STK32B: variants seen among roughly 807,000 people sequenced by gnomAD.
STK32B encodes serine/threonine kinase 32B.
STK32B carries 43 observed loss-of-function variants against 52.6 expected under a neutral mutation model. The observed-to-expected ratio is 0.82, with a 90% CI of 0.64 to 1.05. The LOEUF (loss-of-function observed/expected upper bound fraction) is 1.05, where lower values mean the gene tolerates loss of function less well. STK32B is among the 50% of genes least tolerant of loss of function. The probability of loss-of-function intolerance (pLI) is 0.00; values close to 1 mark genes in which losing one functional copy is unlikely to be tolerated. For synonymous variants in STK32B, 238 were observed against 204.3 expected, an observed-to-expected ratio of 1.17 and a Z score of -1.41; for missense variants, 621 against 534.6, an observed-to-expected ratio of 1.16 and a Z score of -1.59.
chr4:5,135,685 T>C (rs1329191470), intron 1 of STK32B, among the ~76,000 whole-genome samples: 1 of 152,224 alleles, frequency 6.6e-6, no homozygotes, highest in Non-Finnish European at 1.5e-5. Flanking sequence ...CTCATGTTTT[T>C]GGCTTTATAG....
At chr4:5,148,108 C>T (rs751727374) in intron 2 of STK32B, among the ~76,000 whole-genome samples, 26 of 151,880 alleles carry the variant, frequency 1.7e-4, no homozygotes, top group African/African-American at 4.1e-4. Context: ...TGTGTTTTTT[C>T]GTATATAACT....
intron 4 of STK32B, among the ~76,000 whole-genome samples, chr4:5,382,260 GCTGGTGACC>G (rs1182923224): frequency 2.0e-5 from 3 of 152,112 alleles, no homozygotes; most frequent in Admixed American, 1.3e-4. Context: ...TAACCATCCC[GCTGGTGACC>G]CTGGGAAAGT....
At chr4:5,379,973 A>C (rs1735835899) in intron 4 of STK32B, among the ~76,000 whole-genome samples, 1 of 152,162 alleles carries the variant, frequency 6.6e-6, no homozygotes, top group Non-Finnish European at 1.5e-5. Flanking sequence ...AGAGCAGCTT[A>C]AGGCTATGGC....
the STK32B span, among the ~76,000 whole-genome samples, chr4:5,039,240 C>T: frequency 6.6e-6 from 1 of 152,216 alleles, no homozygotes; most frequent in Non-Finnish European, 1.5e-5. Flanking sequence ...AGTGATCCTT[C>T]TGTGTACCTC....
chr4:5,221,628 T>C (rs1490758192), intron 3 of STK32B, among the ~76,000 whole-genome samples: 2 of 152,118 alleles, frequency 1.3e-5, no homozygotes, highest in Non-Finnish European at 2.9e-5. Flanking sequence ...TTTTAGTGTG[T>C]GCCCTCAAAA....
intron 3 of STK32B, among the ~76,000 whole-genome samples, chr4:5,186,070 C>T (rs751699395): frequency 2.0e-5 from 3 of 152,176 alleles, no homozygotes; most frequent in Non-Finnish European, 4.4e-5. Flanking sequence ...TTCATTAAGT[C>T]GCTATTCACT....
In STK32B at chr4:5,479,448, A is replaced by G. The variant is rs557865003; in HGVS notation, c.1106+11378A>G. On this transcript the variant is annotated intron_variant, in intron 11 of 11. Coordinates refer to ENST00000282908, the MANE Select transcript of STK32B (RefSeq NM_018401.3). Reference sequence around the variant, plus strand: ...CTAGGGGAATTCTAAGAATTGGAGGAATATTCCATGAGAAAGAAACTGGAA... The same window carrying G: ...CTAGGGGAATTCTAAGAATTGGAGGGATATTCCATGAGAAAGAAACTGGAA... Among the ~76,000 whole-genome samples the G allele has an allele frequency of 2.8e-4, 42 of 152,292 alleles. No individual in the cohort carries two copies. The South Asian group carries it at 7.9e-3, about 29-fold the overall frequency.
intron 3 of STK32B, among the ~76,000 whole-genome samples, chr4:5,313,040 T>G (rs1188794778): frequency 1.3e-5 from 2 of 151,806 alleles, no homozygotes; most frequent in Admixed American, 1.3e-4. Context: ...AAGACCAACA[T>G]AGCTCATGAA....
At chr4:5,183,549 C>A (rs889790514) in intron 3 of STK32B, among the ~76,000 whole-genome samples, 1 of 151,836 alleles carries the variant, frequency 6.6e-6, no homozygotes, top group Non-Finnish European at 1.5e-5. Context: ...TGTTAAAGTC[C>A]TAGATGGCAT....
chr4:5,421,234 C>CG (rs1712619160), intron 6 of STK32B, among the ~76,000 whole-genome samples: 1 of 152,140 alleles, frequency 6.6e-6, no homozygotes, highest in African/African-American at 2.4e-5. Flanking sequence ...GGACTACAGG[C>CG]ACCCGCCACC....
At chr4:5,146,438 A>G (rs1051787376) in intron 2 of STK32B, among the ~76,000 whole-genome samples, 2 of 152,186 alleles carry the variant, frequency 1.3e-5, no homozygotes, top group Non-Finnish European at 2.9e-5. Flanking sequence ...GCACAGGAGG[A>G]AGATGAAGGC....
At chr4:5,138,012 G>A (rs1716176232) in intron 1 of STK32B, among the ~76,000 whole-genome samples, 1 of 152,332 alleles carries the variant, frequency 6.6e-6, no homozygotes, top group Non-Finnish European at 1.5e-5. Context: ...GACAGGACAT[G>A]TGCATTTCCT....
At chr4:5,020,167 G>T in the STK32B span, among the ~76,000 whole-genome samples, 1 of 152,200 alleles carries the variant, frequency 6.6e-6, no homozygotes, top group South Asian at 2.1e-4. Context: ...CCTCAGGAAG[G>T]GTTAGTTTTC....
chr4:5,226,944 AT>A (rs999124174), intron 3 of STK32B, among the ~76,000 whole-genome samples: 76 of 152,188 alleles, frequency 5.0e-4, no homozygotes, highest in African/African-American at 1.7e-3. Context: ...AAAAATACTT[AT>A]TTTTTTCAAA....
chr4:5,403,779 A>G (rs1211439778), intron 5 of STK32B, among the ~76,000 whole-genome samples: 1 of 152,160 alleles, frequency 6.6e-6, no homozygotes, highest in Non-Finnish European at 1.5e-5. Flanking sequence ...AAATTAAAAA[A>G]TTAGGCATGT....
chr4:5,035,000 T>C, the STK32B span, among the ~76,000 whole-genome samples: 1 of 152,020 alleles, frequency 6.6e-6, no homozygotes, highest in African/African-American at 2.4e-5. Flanking sequence ...TGTTCTGGAG[T>C]CCCAGAAGTA....
intron 6 of STK32B, among the ~76,000 whole-genome samples, chr4:5,429,622 A>T (rs1029142227): frequency 2.0e-5 from 3 of 150,292 alleles, no homozygotes; most frequent in Non-Finnish European, 4.4e-5. Flanking sequence ...GGTTAAAAAT[A>T]AAAAAAAACT....
intron 4 of STK32B, among the ~76,000 whole-genome samples, chr4:5,348,179 G>T (rs1261254683): frequency 6.6e-6 from 1 of 152,150 alleles, no homozygotes; most frequent in East Asian, 1.9e-4. Flanking sequence ...CAGGGGTCCA[G>T]ATTCCCACAA....
chr4:5,492,265 C>T (rs372945750), intron 11 of STK32B, among the ~76,000 whole-genome samples: 6 of 152,058 alleles, frequency 3.9e-5, no homozygotes, highest in Admixed American at 6.6e-5. Flanking sequence ...TGAGCAGTGG[C>T]TTGTAGTTCT....
Sources: allele counts gnomAD v4.1 joint callset (sites outside exome capture counted in the v4.1 genomes callset), GRCh38; gene constraint gnomAD v4.1.1; transcripts MANE v1.5; gene names NCBI Gene and HGNC (gene_info 2026-07-23, HGNC 2026-07-21).